The following GRB14 variants were observed in gnomAD, a reference collection of about 807,000 sequenced individuals.
GRB14 encodes growth factor receptor-bound protein 14.
GRB14 carries 38 observed loss-of-function variants against 69.1 expected under a neutral mutation model. The ratio of observed to expected loss-of-function variants is 0.55; its 90% CI spans 0.42 to 0.72. The LOEUF is 0.72. Ranked by LOEUF, GRB14 falls within the 30% of genes least tolerant of loss-of-function variation. GRB14 has a pLI of 0.00. For missense variants in GRB14, 666 were observed against 666.1 expected (o/e 1.00, Z 0.00); for synonymous variants, 247 against 241.3 (o/e 1.02, Z -0.22).
At chr2:164,504,811 G>A (rs1264264956) in intron 8 of GRB14, among the ~76,000 whole-genome samples, 1 of 152,166 alleles carries the variant, frequency 6.6e-6, no homozygotes, top group Non-Finnish European at 1.5e-5. Context: ...TGATTGTAAG[G>A]TGGGGTGATG....
At chr2:164,500,573 C>A (rs1007796241) in intron 9 of GRB14, among the ~76,000 whole-genome samples, 2 of 152,018 alleles carry the variant, frequency 1.3e-5, no homozygotes, top group Non-Finnish European at 2.9e-5. Flanking sequence ...TATAGAGACA[C>A]CAAAGTCAAC....
chr2:164,525,431 C>G (rs1687746317), intron 4 of GRB14, among the ~76,000 whole-genome samples: 1 of 152,082 alleles, frequency 6.6e-6, no homozygotes, highest in Non-Finnish European at 1.5e-5. Context: ...TGACATTTTA[C>G]AAGGAACAGG....
Position 164,621,185 on chromosome 2 carries a change from G to C in GRB14, c.125C>G (p.Ala42Gly). 5 of 1,243,256 alleles carry C rather than the reference G, an allele frequency of 4.0e-6. No homozygotes were observed. The highest frequency in any genetic ancestry group is 5.1e-6 in the Non-Finnish European group (5 of 988,234). 77.0% of individuals were successfully genotyped at this position (1,243,256 alleles called of 1,614,324 possible). ...GAGCGCTCGCGCGTGCAGCCAGGGG[G>C]CCGGCGCCAGGTCGTGGGCGTCGCC... ...GRGDAHDLAP[A>G]PWLHARALLP... is the part of the protein sequence containing the mutation. Residue 42 changes from alanine (A) to glycine (G), a missense_variant, in exon 1 of 14, where the codon GCC (alanine) becomes GGC (glycine). Coordinates refer to ENST00000263915, the MANE Select transcript of GRB14 (RefSeq NM_004490.3). The surrounding 1 kb of genome is among the most constrained non-coding windows in gnomAD (Gnocchi z 6.0).
chr2:164,500,806 G>A (rs946970391), intron 9 of GRB14, among the ~76,000 whole-genome samples: 33 of 151,992 alleles, frequency 2.2e-4, no homozygotes, highest in African/African-American at 7.5e-4. Context: ...ACACTAAACT[G>A]TTATCCACAT....
chr2:164,578,812 T>C (rs1047873095), intron 2 of GRB14, among the ~76,000 whole-genome samples: 2 of 152,218 alleles, frequency 1.3e-5, no homozygotes, highest in Non-Finnish European at 1.5e-5. Flanking sequence ...AGGCACTCCT[T>C]TTCTGGTTCT....
intron 2 of GRB14, among the ~76,000 whole-genome samples, chr2:164,561,287 G>A (rs1337539308): frequency 1.3e-5 from 2 of 152,118 alleles, no homozygotes; most frequent in African/African-American, 2.4e-5. Context: ...TCCTCATACT[G>A]TAAAATGGGC....
Position 164,525,136 on chromosome 2 carries a change from T to C in GRB14, c.604-58A>G, listed in dbSNP as rs201612102. ...ATTCATGCTAGAAAAGATTCAATTA[T>C]GACCAATATAGTAATCAAAAGCAAA... On this transcript the variant is annotated intron_variant, in intron 4 of 13. Coordinates refer to ENST00000263915, the MANE Select transcript of GRB14 (RefSeq NM_004490.3). The C allele has an allele frequency of 3.9e-5, 44 of 1,141,044 alleles. No individual in the cohort carries two copies. The African/African-American group carries it at 6.1e-4, about 16-fold the overall frequency. 70.7% of individuals were successfully genotyped at this position (1,141,044 alleles called of 1,614,324 possible).
intron 2 of GRB14, among the ~76,000 whole-genome samples, chr2:164,562,461 T>C (rs1688854208): frequency 6.6e-6 from 1 of 152,192 alleles, no homozygotes; most frequent in Admixed American, 6.5e-5. Context: ...TATATTGTCT[T>C]TCTCTCCCTG....
intron 3 of GRB14, chr2:164,540,014 T>C (rs948831602): frequency 7.2e-5 from 11 of 152,200 alleles, no homozygotes; most frequent in African/African-American, 2.4e-4. Flanking sequence ...CCTTGCTTTT[T>C]CTCTCACTCA....
intron 2 of GRB14, among the ~76,000 whole-genome samples, chr2:164,610,000 G>A (rs1262430974): frequency 6.6e-6 from 1 of 152,172 alleles, no homozygotes; most frequent in South Asian, 2.1e-4. Context: ...AGCTTTCCCT[G>A]TGTGTGATGC....
intron 2 of GRB14, among the ~76,000 whole-genome samples, chr2:164,596,782 A>G (rs1041393132): frequency 6.6e-6 from 1 of 152,162 alleles, no homozygotes; most frequent in Non-Finnish European, 1.5e-5. Context: ...AAACTCAAAC[A>G]TTACCTTGAA....
chr2:164,493,269 C>T, intron 13 of GRB14, 87 bp from the exon 14 acceptor site: 1 of 1,198,548 alleles, frequency 8.3e-7, no homozygotes, highest in Non-Finnish European at 1.2e-6. Context: ...CTCCACATGC[C>T]AAAACTGCCA....
chr2:164,605,897 C>G (rs1450844174), intron 2 of GRB14, among the ~76,000 whole-genome samples: 1 of 152,106 alleles, frequency 6.6e-6, no homozygotes, highest in African/African-American at 2.4e-5. Flanking sequence ...GGAGCCACTT[C>G]CCACAGAAAT....
intron 6 of GRB14, among the ~76,000 whole-genome samples, chr2:164,509,812 A>AC (rs1687292812): frequency 6.6e-6 from 1 of 151,400 alleles, no homozygotes; most frequent in African/African-American, 2.4e-5. Context: ...AAAAAAAAAA[A>AC]ACACCCCACA....
Position 164,621,383 on chromosome 2 carries a change from C to T in GRB14, c.-74G>A, listed in dbSNP as rs1221152764. ...GAGAAGGGGTTTGCGCGGCGGGAGG[C>T]GAGGTGCCGGCTAGGCAGCCCGAGC... On this transcript the variant is annotated 5_prime_UTR_variant, in exon 1 of 14. Transcript: ENST00000263915. This position sits in a 1 kb window ranked among gnomAD's most constrained non-coding sequence, Gnocchi z 6.0. The T allele has an allele frequency of 8.4e-7, 1 of 1,185,004 alleles. No individual in the cohort carries two copies. Among genetic ancestry groups the T allele is most frequent in the Non-Finnish European group, 1.1e-6 (1 of 942,622 alleles). The allele number at this position is 1,185,004 out of a possible 1,614,324, so 73.4% of individuals were successfully genotyped here.
chr2:164,615,460 G>T (rs1690267545), intron 2 of GRB14, among the ~76,000 whole-genome samples: 1 of 152,096 alleles, frequency 6.6e-6, no homozygotes, highest in South Asian at 2.1e-4. Context: ...GAGGAGAGTT[G>T]TAACTAACAA....
chr2:164,608,015 C>A (rs1449639067), intron 2 of GRB14, among the ~76,000 whole-genome samples: 2 of 152,166 alleles, frequency 1.3e-5, no homozygotes, highest in African/African-American at 4.8e-5. Flanking sequence ...CTCTCAAAAG[C>A]AATTGGCCAA....
rs531885168 is a variant in GRB14, at chr2:164,529,439, G to A, written c.482-2304C>T. Reference sequence around the variant, plus strand: ...CAAAAAACTTTTTAAACTTAAAAACGAAACAAAGTCATCTACATTTTTCCC... The same window carrying A: ...CAAAAAACTTTTTAAACTTAAAAACAAAACAAAGTCATCTACATTTTTCCC... On this transcript the variant is annotated intron_variant, in intron 3 of 13. Transcript: ENST00000263915. Among the ~76,000 whole-genome samples, 11 of 152,204 alleles carry A rather than the reference G, an allele frequency of 7.2e-5. No homozygotes were observed. The East Asian group carries it at 1.9e-3, about 27-fold the overall frequency.
chr2:164,513,501 G>GT (rs1249508307), intron 6 of GRB14, among the ~76,000 whole-genome samples: 5 of 152,216 alleles, frequency 3.3e-5, no homozygotes, highest in Admixed American at 3.3e-4. Flanking sequence ...CAAAGGCAGA[G>GT]ACAAGCCATG....
Sources: gnomAD v4.1 joint callset for allele counts (sites outside exome capture counted in the v4.1 genomes callset) on GRCh38, gnomAD v4.1.1 for gene constraint, Gnocchi (gnomAD v3.1) non-coding constraint, MANE v1.5 for transcripts, NCBI Gene and HGNC (gene_info 2026-07-23, HGNC 2026-07-21) for gene names.